The following DYNC2H1 variants were observed in gnomAD, a reference collection of about 807,000 sequenced individuals.
DYNC2H1 encodes the protein cytoplasmic dynein 2 heavy chain 1.
Under a neutral mutation model 570.0 loss-of-function variants are expected in DYNC2H1, and 410 were observed. That is an observed-to-expected ratio of 0.72 (90% CI 0.66 to 0.78). The LOEUF is 0.78. Among genes scored for constraint, DYNC2H1 ranks in the 30% least tolerant of loss-of-function variants. DYNC2H1 has a pLI of 0.00. For missense variants in DYNC2H1, 4,865 were observed against 5,046.4 expected, an observed-to-expected ratio of 0.96 and a Z score of 1.09; for synonymous variants, 1,688 against 1,677.6, an observed-to-expected ratio of 1.01 and a Z score of -0.15.
chr11:103,144,015 T>A (rs1490624900), intron 18 of DYNC2H1, among the ~76,000 whole-genome samples: 1 of 152,246 alleles, frequency 6.6e-6, no homozygotes, highest in East Asian at 1.9e-4. Flanking sequence ...CAATAAATAC[T>A]TAGTGCACAT....
Position 103,283,490 on chromosome 11 carries a change from G to A in DYNC2H1, c.10890+405G>A, listed in dbSNP as rs75041089. On this transcript the variant is annotated intron_variant, in intron 73 of 88. Transcript: ENST00000375735. ...TCTATGCATATGTTTCCATCCTTCCGTTCCTTCCCCTGCTTTTCTTCACAA... is the reference window on the plus strand; with the variant it reads ...TCTATGCATATGTTTCCATCCTTCCATTCCTTCCCCTGCTTTTCTTCACAA... Among the ~76,000 whole-genome samples, 1,497 of 152,164 alleles carry A rather than the reference G, an allele frequency of 9.8e-3. 19 individuals are homozygous for A. The highest frequency in any genetic ancestry group is 0.034 in the African/African-American group (1,412 of 41,524).
intron 78 of DYNC2H1, among the ~76,000 whole-genome samples, chr11:103,310,560 T>A (rs1472387120): frequency 6.6e-6 from 1 of 152,080 alleles, no homozygotes; most frequent in Non-Finnish European, 1.5e-5. Context: ...TTGAGTAGTG[T>A]GCAGAAATTT....
At chr11:103,149,158 T>G (rs1327401251) in intron 20 of DYNC2H1, among the ~76,000 whole-genome samples, 1 of 152,236 alleles carries the variant, frequency 6.6e-6, no homozygotes, top group African/African-American at 2.4e-5. Flanking sequence ...TTGCAGTCTA[T>G]TTTATGATGT....
chr11:103,239,185 G>A lies in DYNC2H1; in HGVS notation c.9819+2646G>A, dbSNP rs1476340771. ...TATTTGTGTTTTATTGTTATAGACA[G>A]TTCAGTGTCAAATTGGTTTTAACCA... On this transcript the variant is annotated intron_variant, in intron 63 of 88. Coordinates refer to ENST00000375735, the MANE Select transcript of DYNC2H1 (RefSeq NM_001377.3). The surrounding 1 kb of genome is among the most constrained non-coding windows in gnomAD (Gnocchi z 4.3). Among the ~76,000 whole-genome samples, 1 of 152,066 alleles carries A rather than the reference G, an allele frequency of 6.6e-6. No individual in the cohort carries two copies. Among genetic ancestry groups the A allele is most frequent in the East Asian group, 1.9e-4 (1 of 5,196 alleles).
chr11:103,147,704 A>AT, intron 18 of DYNC2H1, 68 bp from the exon 19 acceptor site: 1 of 897,100 alleles, frequency 1.1e-6, no homozygotes, highest in Non-Finnish European at 1.8e-6. Context: ...TCATTATAAT[A>AT]TTATATGAGA....
At chr11:103,445,236 A>G (rs1254506546) in intron 85 of DYNC2H1, among the ~76,000 whole-genome samples, 1 of 152,218 alleles carries the variant, frequency 6.6e-6, no homozygotes, top group Non-Finnish European at 1.5e-5. Context: ...TCACATAAAT[A>G]TTTGAAAGAC....
intron 24 of DYNC2H1, 85 bp downstream of exon 24, chr11:103,154,894 T>C: frequency 1.0e-6 from 1 of 976,570 alleles, no homozygotes; most frequent in East Asian, 3.0e-5. Flanking sequence ...TAATTTTACT[T>C]TATATGTTTT....
intron 84 of DYNC2H1, among the ~76,000 whole-genome samples, chr11:103,420,452 G>T (rs183201969): frequency 1.1e-3 from 169 of 152,076 alleles, no homozygotes; most frequent in African/African-American, 3.9e-3. Context: ...TGAAATAAAA[G>T]AAAAAGTATT....
intron 82 of DYNC2H1, among the ~76,000 whole-genome samples, chr11:103,335,216 A>G (rs753817601): frequency 4.8e-5 from 4 of 83,756 alleles, no homozygotes; most frequent in South Asian, 3.5e-4. Flanking sequence ...TTTCCCTTTG[A>G]AAAAAAAGAA....
chr11:103,192,288 A>G, intron 47 of DYNC2H1, 24 bp downstream of exon 47: 1 of 1,432,490 alleles, frequency 7.0e-7, no homozygotes. Flanking sequence ...GCTTATGCAA[A>G]TACATAACTA....
chr11:103,433,304 A>G (rs1845473426), intron 84 of DYNC2H1, among the ~76,000 whole-genome samples: 1 of 146,278 alleles, frequency 6.8e-6, no homozygotes, highest in African/African-American at 2.6e-5. Flanking sequence ...GATAGTAAAT[A>G]ATTGCTGAAT....
Position 103,253,315 on chromosome 11 carries a change from A to G in DYNC2H1, c.10073A>G (p.Lys3358Arg), listed in dbSNP as rs1864913117. ...GPRYVVQIGD[K>R]IIDYNEEFRL... ...CGTTATGTGGTACAAATAGGTGACA[A>G]AATTATTGACTACAATGAAGAATTC... The change falls in exon 66 of 89, where the codon AAA becomes AGA. Residue 3358 changes from lysine to arginine, a missense_variant. Transcript: ENST00000375735. 6.2e-7 allele frequency: 1 copy of G among 1,613,280 alleles called. No homozygotes were observed. Among genetic ancestry groups the G allele is most frequent in the Non-Finnish European group, 8.5e-7 (1 of 1,179,466 alleles).
rs547425178 is a variant in DYNC2H1 at position 103,383,599 on chromosome 11, G to T, written c.12157-16064G>T. ...CGCCATTCTCCTGCCTCAGCCTCCC[G>T]AGTAGCTGAGACCACAGGTACCCAC... On this transcript the variant is annotated intron_variant, in intron 83 of 88. Coordinates refer to ENST00000375735, the MANE Select transcript of DYNC2H1 (RefSeq NM_001377.3). Among the ~76,000 whole-genome samples, 39 of 151,582 alleles carry T rather than the reference G, an allele frequency of 2.6e-4. 1 individual carries two copies. In the South Asian group the frequency reaches 7.9e-3, roughly 31 times the overall value.
In DYNC2H1 at chr11:103,241,732, T is replaced by C. The variant is rs1041572248; in HGVS notation, c.9820-1961T>C. 6.6e-6 allele frequency among the ~76,000 whole-genome samples: 1 copy of C among 152,184 alleles called. No individual in the cohort carries two copies. The highest frequency in any genetic ancestry group is 2.4e-5 in the African/African-American group (1 of 41,440). On this transcript the variant is annotated intron_variant, in intron 63 of 88. Coordinates refer to ENST00000375735, the MANE Select transcript of DYNC2H1 (RefSeq NM_001377.3). The surrounding 1 kb of genome is among the most constrained non-coding windows in gnomAD (Gnocchi z 5.1). ...TGCTTCGAGTAGTACATTTACGTGA[T>C]GGAGCAGTAAGTGAAATCTCTAGAA...
chr11:103,374,753 A>T (rs1376120950), intron 83 of DYNC2H1, among the ~76,000 whole-genome samples: 1 of 152,140 alleles, frequency 6.6e-6, no homozygotes, highest in Non-Finnish European at 1.5e-5. Flanking sequence ...GAGATGATTT[A>T]GGGTATCTGG....
At chr11:103,474,630 T>C (rs926057735) in intron 88 of DYNC2H1, among the ~76,000 whole-genome samples, 4 of 152,158 alleles carry the variant, frequency 2.6e-5, no homozygotes, top group African/African-American at 7.2e-5. Context: ...TATAGTACAA[T>C]AGGTATTTTG....
chr11:103,308,793 G>A (rs545800744), intron 78 of DYNC2H1, among the ~76,000 whole-genome samples: 1 of 152,058 alleles, frequency 6.6e-6, no homozygotes, highest in Non-Finnish European at 1.5e-5. Context: ...ATCTTATTCG[G>A]AGAAATGTCT....
chr11:103,350,134 A>G (rs1043005452), intron 82 of DYNC2H1, among the ~76,000 whole-genome samples: 7 of 152,144 alleles, frequency 4.6e-5, no homozygotes, highest in Non-Finnish European at 1.0e-4. Flanking sequence ...TACATGGCCA[A>G]GCATGCACAG....
Position 103,170,294 on chromosome 11 carries a change from G to T in DYNC2H1, c.5151+4G>T. The stretch of plus-strand genomic sequence containing the variant: ...TTTAGTCTTTAATTGTGATGAGGTA[G>T]AATAAATAATTATCAAAATATGTAA... On this transcript the variant is annotated splice_donor_region_variant and intron_variant, in intron 33 of 88. Coordinates refer to ENST00000375735, the MANE Select transcript of DYNC2H1 (RefSeq NM_001377.3). The surrounding 1 kb of genome is among the most constrained non-coding windows in gnomAD (Gnocchi z 4.8). 1 of 1,555,538 alleles carries T rather than the reference G, an allele frequency of 6.4e-7. No homozygotes were observed. Among genetic ancestry groups the T allele is most frequent in the Non-Finnish European group, 8.7e-7 (1 of 1,155,722 alleles).
Sources: allele counts gnomAD v4.1 joint callset (sites outside exome capture counted in the v4.1 genomes callset), GRCh38; gene constraint gnomAD v4.1.1; non-coding constraint Gnocchi (gnomAD v3.1); transcripts MANE v1.5; gene names NCBI Gene and HGNC (gene_info 2026-07-23, HGNC 2026-07-21).